The following LIN52 variants were observed in gnomAD, a reference collection of about 807,000 sequenced individuals.
LIN52 encodes the protein protein lin-52 homolog.
In LIN52, 4 loss-of-function variants were observed where a neutral mutation model predicts 18.5. The ratio of observed to expected loss-of-function variants is 0.22; its 90% CI spans 0.11 to 0.49. LIN52 has a LOEUF of 0.49. Among genes scored for constraint, LIN52 ranks in the 20% least tolerant of loss-of-function variants. LIN52 has a pLI of 0.97. For missense variants in LIN52, 102 were observed against 139.5 expected (o/e 0.73, Z 1.35); for synonymous variants, 34 against 45.5 (o/e 0.75, Z 1.02).
intron 5 of LIN52, among the ~76,000 whole-genome samples, chr14:74,150,800 T>C (rs1441258773): frequency 6.6e-6 from 1 of 152,056 alleles, no homozygotes; most frequent in Non-Finnish European, 1.5e-5. Context: ...TATGGGAAGC[T>C]CATGAAAAAA....
intron 5 of LIN52, among the ~76,000 whole-genome samples, chr14:74,135,258 T>A (rs1378907746): frequency 2.6e-5 from 4 of 152,038 alleles, no homozygotes; most frequent in Admixed American, 1.3e-4. Context: ...AGAGACGGGG[T>A]TTCACCATGT....
At chr14:74,165,513 C>CTTT (rs71460962) in intron 5 of LIN52, among the ~76,000 whole-genome samples, 7 of 110,262 alleles carry the variant, frequency 6.3e-5, no homozygotes, top group African/African-American at 1.5e-4. Context: ...GTTTTCTTTT[C>CTTT]TTTTTTTTTT....
chr14:74,113,209 T>C (rs945748980), intron 5 of LIN52, among the ~76,000 whole-genome samples: 3 of 151,930 alleles, frequency 2.0e-5, no homozygotes, highest in African/African-American at 7.2e-5. Context: ...CTGGCCAACA[T>C]GGTGAAACCC....
chr14:74,162,475 CAAAAAAA>C (rs35116380), intron 5 of LIN52, among the ~76,000 whole-genome samples: 1 of 95,352 alleles, frequency 1.0e-5, no homozygotes, highest in Non-Finnish European at 1.9e-5. Flanking sequence ...CTCCATCTCA[CAAAAAAA>C]AAAAAAAAAA....
intron 5 of LIN52, among the ~76,000 whole-genome samples, chr14:74,135,547 A>AT (rs34777883): frequency 0.016 from 2,415 of 151,730 alleles, 63 homozygotes; most frequent in African/African-American, 0.055. Context: ...GACCATAGCC[A>AT]TTTTTTTTTA....
chr14:74,132,588 A>C (rs981708195), intron 5 of LIN52, among the ~76,000 whole-genome samples: 1 of 152,160 alleles, frequency 6.6e-6, no homozygotes, highest in African/African-American at 2.4e-5. Flanking sequence ...AGCTCACTGC[A>C]ACCTCCGCCT....
At chr14:74,175,759 A>T (rs2061291578) in intron 5 of LIN52, among the ~76,000 whole-genome samples, 1 of 125,980 alleles carries the variant, frequency 7.9e-6, no homozygotes, top group African/African-American at 2.9e-5. Flanking sequence ...CACCCCCATT[A>T]TACAGCTATA....
intron 5 of LIN52, among the ~76,000 whole-genome samples, chr14:74,196,339 C>T (rs769483118): frequency 2.6e-5 from 4 of 152,144 alleles, no homozygotes; most frequent in Non-Finnish European, 5.9e-5. Context: ...AAATATTGGT[C>T]ATTTTCCCAT....
At chr14:74,086,343 C>T (rs2060731119) in intron 1 of LIN52, among the ~76,000 whole-genome samples, 1 of 151,914 alleles carries the variant, frequency 6.6e-6, no homozygotes, top group Non-Finnish European at 1.5e-5. Context: ...ATTTTGTGAG[C>T]GCAGGTACAT....
At chr14:74,154,347 C>G (rs745752685) in intron 5 of LIN52, among the ~76,000 whole-genome samples, 1 of 152,144 alleles carries the variant, frequency 6.6e-6, no homozygotes, top group Non-Finnish European at 1.5e-5. Context: ...ATAAACCAGG[C>G]TATATGTGGA....
intron 5 of LIN52, among the ~76,000 whole-genome samples, chr14:74,196,995 T>G (rs1048600408): frequency 1.1e-4 from 16 of 152,194 alleles, no homozygotes; most frequent in African/African-American, 3.9e-4. Flanking sequence ...AAGACAGTAC[T>G]TGATTGGATT....
At chr14:74,106,851 A>G (rs1370916095) in intron 5 of LIN52, among the ~76,000 whole-genome samples, 1 of 152,232 alleles carries the variant, frequency 6.6e-6, no homozygotes, top group Non-Finnish European at 1.5e-5. Flanking sequence ...CTGGCCTCCC[A>G]AAGTGCTGGG....
At chr14:74,160,874 G>C (rs1444341876) in intron 5 of LIN52, among the ~76,000 whole-genome samples, 1 of 152,212 alleles carries the variant, frequency 6.6e-6, no homozygotes, top group African/African-American at 2.4e-5. Context: ...TTGCAAGGAA[G>C]ATGCCAGGAG....
chr14:74,097,040 C>T (rs147841924), intron 3 of LIN52, among the ~76,000 whole-genome samples: 1 of 152,260 alleles, frequency 6.6e-6, no homozygotes, highest in African/African-American at 2.4e-5. Context: ...TGTGAAATTC[C>T]AAGTGATGAC....
chr14:74,185,503 C>T (rs373080757), intron 5 of LIN52, among the ~76,000 whole-genome samples: 7 of 151,358 alleles, frequency 4.6e-5, no homozygotes, highest in Admixed American at 1.3e-4. Flanking sequence ...TTAGTAGAGA[C>T]GGGGTTTCAC....
intron 3 of LIN52, among the ~76,000 whole-genome samples, chr14:74,096,658 A>G (rs1470985829): frequency 1.3e-5 from 2 of 152,116 alleles, no homozygotes; most frequent in South Asian, 2.1e-4. Context: ...ATGTTTCTCA[A>G]CCCTACCTTT....
At chr14:74,132,608 A>G in intron 5 of LIN52, among the ~76,000 whole-genome samples, 1 of 152,190 alleles carries the variant, frequency 6.6e-6, no homozygotes, top group East Asian at 1.9e-4. Context: ...TCCCCGGCTT[A>G]AGCAATTCTC....
At chr14:74,132,667 C>T (rs976098437) in intron 5 of LIN52, among the ~76,000 whole-genome samples, 15 of 152,150 alleles carry the variant, frequency 9.9e-5, no homozygotes, top group African/African-American at 3.6e-4. Context: ...CGCCACCATG[C>T]CCAGCTAATT....
chr14:74,194,476 G>A (rs1265317831), intron 5 of LIN52, among the ~76,000 whole-genome samples: 1 of 152,170 alleles, frequency 6.6e-6, no homozygotes, highest in Non-Finnish European at 1.5e-5. Context: ...CAGCTGCCAT[G>A]AACTGGATAG....
Sources: gnomAD v4.1 joint callset for allele counts (sites outside exome capture counted in the v4.1 genomes callset) on GRCh38, gnomAD v4.1.1 for gene constraint, MANE v1.5 for transcripts, NCBI Gene and HGNC (gene_info 2026-07-23, HGNC 2026-07-21) for gene names.